Variants in AGXT2 observed in about 807,000 individuals in gnomAD.
The protein encoded by AGXT2 is alanine--glyoxylate aminotransferase 2, mitochondrial.
Under a neutral mutation model 62.5 loss-of-function variants are expected in AGXT2, and 61 were observed. The observed-to-expected ratio is 0.98, with a 90% CI of 0.79 to 1.21. AGXT2 has a LOEUF of 1.21. AGXT2 is among the 50% of genes most tolerant of loss of function. AGXT2 has a pLI of 0.00. For missense variants in AGXT2, 666 were observed against 641.5 expected, an observed-to-expected ratio of 1.04 and a Z score of -0.41; for synonymous variants, 243 against 218.7, an observed-to-expected ratio of 1.11 and a Z score of -0.98.
chr5:35,042,349 AAGGAAAGAAGG>A (rs1425054362), intron 1 of AGXT2, among the ~76,000 whole-genome samples: 1 of 152,182 alleles, frequency 6.6e-6, no homozygotes, highest in Non-Finnish European at 1.5e-5. Flanking sequence ...AAGAGGAAGA[AAGGAAAGAAGG>A]AGGAAAGAAA....
chr5:35,015,849 CAAAAAAAAAA>C (rs557021858), intron 9 of AGXT2, among the ~76,000 whole-genome samples: 1 of 69,516 alleles, frequency 1.4e-5, no homozygotes, highest in Non-Finnish European at 2.5e-5. Flanking sequence ...GACTCCATCT[CAAAAAAAAAA>C]AAAAAAAAAA....
chr5:35,033,246 A>G, intron 6 of AGXT2: 1 of 560,508 alleles, frequency 1.8e-6, no homozygotes. Flanking sequence ...AAAGCAAAAT[A>G]CATTTTAAAA....
At chr5:35,002,779 G>GA (rs999957007) in intron 13 of AGXT2, among the ~76,000 whole-genome samples, 34 of 131,322 alleles carry the variant, frequency 2.6e-4, no homozygotes, top group Non-Finnish European at 3.2e-5. Flanking sequence ...AGCAGGCTGG[G>GA]GGGGGGGACT....
At chr5:35,000,015 C>T (rs1317561789) in intron 13 of AGXT2, among the ~76,000 whole-genome samples, 1 of 152,206 alleles carries the variant, frequency 6.6e-6, no homozygotes, top group Non-Finnish European at 1.5e-5. Flanking sequence ...CCTATGGCTA[C>T]CTCGCAAATG....
At chr5:35,016,065 G>A (rs913629373) in intron 9 of AGXT2, among the ~76,000 whole-genome samples, 10 of 152,104 alleles carry the variant, frequency 6.6e-5, no homozygotes, top group African/African-American at 2.2e-4. Context: ...TCCTACTAAT[G>A]AGCCTCTGGG....
chr5:35,037,290 G>A (rs546487832), intron 3 of AGXT2, among the ~76,000 whole-genome samples: 3 of 152,326 alleles, frequency 2.0e-5, no homozygotes, highest in African/African-American at 7.2e-5. Flanking sequence ...TTCAAAAGGA[G>A]ACTCATTGAT....
At chr5:35,012,799 G>T in intron 11 of AGXT2, 155 bp downstream of exon 11, 1 of 772,446 alleles carries the variant, frequency 1.3e-6, no homozygotes, top group South Asian at 1.6e-5. Flanking sequence ...AAGGGAGAAG[G>T]CAGAATAATA....
intron 2 of AGXT2, among the ~76,000 whole-genome samples, chr5:35,040,014 C>T (rs1487746574): frequency 2.0e-5 from 3 of 150,930 alleles, no homozygotes; most frequent in Non-Finnish European, 4.4e-5. Context: ...AGTATCATGT[C>T]GAATAAAGGA....
chr5:35,037,610 A>G (rs1580608588), intron 3 of AGXT2, among the ~76,000 whole-genome samples: 3 of 150,068 alleles, frequency 2.0e-5, no homozygotes, highest in African/African-American at 7.4e-5. Flanking sequence ...GGCTATTCAC[A>G]GGCACAATCA....
In AGXT2 at chr5:35,012,979, CA is replaced by C; in HGVS notation, c.1162del (p.Cys388ValfsTer10). The C allele has an allele frequency of 6.4e-7, 1 of 1,551,728 alleles. No individual in the cohort carries two copies. The highest frequency in any genetic ancestry group is 1.2e-5 in the South Asian group (1 of 84,070). On this transcript the variant is annotated frameshift_variant, in exon 11 of 14. Coordinates refer to ENST00000231420, the MANE Select transcript of AGXT2 (RefSeq NM_031900.4). LOFTEE classifies it high-confidence loss of function. ...FNTFGGNPMA[C>X]AIGSAVLEVI... ...CTCAAGCACAGCAGATCCAATGGCA[CA>C]GGCCATGGGGTTCCCTCCAAAGGTG...
intron 7 of AGXT2, 81 bp downstream of exon 7, chr5:35,032,651 T>G: frequency 8.0e-7 from 1 of 1,244,534 alleles, no homozygotes; most frequent in South Asian, 1.3e-5. Context: ...ATTCAATTGT[T>G]CCCTCAGGGA....
At chr5:35,026,691 C>T (rs568364487) in intron 7 of AGXT2, among the ~76,000 whole-genome samples, 181 bp from the exon 8 acceptor site, 30 of 151,930 alleles carry the variant, frequency 2.0e-4, no homozygotes, top group African/African-American at 7.0e-4. Flanking sequence ...GGAATGTTCT[C>T]TCTGAACAAC....
In AGXT2 at chr5:35,032,715, C is replaced by A. The variant is rs760096726; in HGVS notation, c.769+17G>T. The stretch of plus-strand genomic sequence containing the variant: ...AACTTCCAACACTCCACTGGCACCC[C>A]CCTTGCCCAGTCGGACCTGGTGCAC... On this transcript the variant is annotated intron_variant, in intron 7 of 13. Transcript: ENST00000231420. 14 of 1,592,666 alleles carry A rather than the reference C, an allele frequency of 8.8e-6. No individual in the cohort carries two copies. In the Admixed American group the frequency reaches 2.4e-4, roughly 28 times the overall value.
chr5:35,017,544 T>A (rs1766891207), intron 9 of AGXT2, among the ~76,000 whole-genome samples: 1 of 152,220 alleles, frequency 6.6e-6, no homozygotes, highest in Non-Finnish European at 1.5e-5. Flanking sequence ...TTGTCTCTTG[T>A]CTGCTACCAT....
chr5:35,003,428 A>G (rs1270351927), intron 13 of AGXT2, among the ~76,000 whole-genome samples: 4 of 152,172 alleles, frequency 2.6e-5, no homozygotes, highest in African/African-American at 9.7e-5. Context: ...TAGATTATTT[A>G]CTGCATGACT....
intron 7 of AGXT2, among the ~76,000 whole-genome samples, chr5:35,027,615 C>T (rs2112248140): frequency 6.6e-6 from 1 of 151,768 alleles, no homozygotes; most frequent in East Asian, 1.9e-4. Context: ...CCTTGCTGAT[C>T]TTTTTCTTGA....
chr5:35,014,141 C>G (rs1766755829), intron 9 of AGXT2, 22 bp from the exon 10 acceptor site: 1 of 1,613,850 alleles, frequency 6.2e-7, no homozygotes, highest in African/African-American at 1.3e-5. Context: ...AGTTCAAAAC[C>G]ATTGGAAACC....
intron 13 of AGXT2, among the ~76,000 whole-genome samples, 172 bp from the exon 14 acceptor site, chr5:34,998,998 G>A (rs1389678898): frequency 2.0e-5 from 3 of 152,110 alleles, no homozygotes; most frequent in Non-Finnish European, 4.4e-5. Context: ...TCACCCTCCA[G>A]TCTCCATACA....
Position 35,014,022 on chromosome 5 carries a change from T to C in AGXT2, c.1061A>G (p.Asn354Ser). 1 of 1,614,116 alleles carries C rather than the reference T, an allele frequency of 6.2e-7. No individual in the cohort carries two copies. The change falls in exon 10 of 14, where the codon AAT becomes AGT. Residue 354 changes from asparagine to serine, a missense_variant. By Grantham distance (46) the Asn-to-Ser change is conservative (BLOSUM62 1). Transcript: ENST00000231420. ...DIVTMAKGIG[N>S]GFPMAAVITT... ...TATGACTGCTGCCATGGGAAAGCCATTCCCAATCCCTTTAGCCATGGTGAC... is the reference window on the plus strand; with the variant it reads ...TATGACTGCTGCCATGGGAAAGCCACTCCCAATCCCTTTAGCCATGGTGAC...
Sources: allele counts gnomAD v4.1 joint callset (sites outside exome capture counted in the v4.1 genomes callset), GRCh38; gene constraint gnomAD v4.1.1; transcripts MANE v1.5; gene names NCBI Gene and HGNC (gene_info 2026-07-23, HGNC 2026-07-21).